Variants in PCM1 observed in about 807,000 individuals in gnomAD.
The protein encoded by PCM1 is pericentriolar material 1 protein.
A neutral mutation model predicts 241.9 loss-of-function variants in PCM1; 157 were observed. That is an observed-to-expected ratio of 0.65 (90% CI 0.57 to 0.74). The LOEUF is 0.74. Ranked by LOEUF, PCM1 falls within the 30% of genes least tolerant of loss-of-function variation. The probability of loss-of-function intolerance (pLI) is 0.00; values close to 1 mark genes in which losing one functional copy is unlikely to be tolerated. For synonymous variants in PCM1, 1,085 were observed against 784.9 expected (o/e 1.38, Z -6.39); for missense variants, 3,478 against 2,360.1 (o/e 1.47, Z -9.81).
intron 26 of PCM1, 115 bp from the exon 27 acceptor site, chr8:17,989,744 T>C (rs1587951188): frequency 1.8e-6 from 1 of 564,896 alleles, no homozygotes; most frequent in Non-Finnish European, 2.7e-6. Context: ...TGAGGAAACT[T>C]ATGAATATCT....
chr8:18,019,763 C>G (rs1237442117), intron 36 of PCM1, among the ~76,000 whole-genome samples: 1 of 152,298 alleles, frequency 6.6e-6, no homozygotes, highest in South Asian at 2.1e-4. Context: ...CTGGCTCCCC[C>G]CACCACTCAC....
At chr8:17,996,138 GT>G (rs1232205630) in intron 29 of PCM1, among the ~76,000 whole-genome samples, 1 of 152,036 alleles carries the variant, frequency 6.6e-6, no homozygotes, top group Non-Finnish European at 1.5e-5. Flanking sequence ...GGCTTTCAGT[GT>G]TTCCCCATTT....
intron 6 of PCM1, among the ~76,000 whole-genome samples, chr8:17,943,500 A>C (rs1182694903): frequency 6.6e-6 from 1 of 152,208 alleles, no homozygotes; most frequent in Non-Finnish European, 1.5e-5. Context: ...AAGAGTTAAC[A>C]GTTAATGCAG....
chr8:18,025,757 G>A, intron 38 of PCM1, 99 bp downstream of exon 38: 1 of 669,572 alleles, frequency 1.5e-6, no homozygotes, highest in Non-Finnish European at 2.5e-6. Flanking sequence ...ACTGACCTGG[G>A]AGATTTAAGC....
Position 17,966,409 on chromosome 8 carries a change from T to G in PCM1, c.3157T>G (p.Phe1053Val). The G allele has an allele frequency of 6.2e-7, 1 of 1,613,606 alleles. No individual in the cohort carries two copies. The highest frequency in any genetic ancestry group is 8.5e-7 in the Non-Finnish European group (1 of 1,179,578). ...CAATGTTGCATCTCCTCAAGTACACTTCATAATGCACCAGTTGAACCAGTG... is the reference window on the plus strand; with the variant it reads ...CAATGTTGCATCTCCTCAAGTACACGTCATAATGCACCAGTTGAACCAGTG... ...PSNVASPQVH[F>V]IMHQLNQCYT... The change falls in exon 20 of 39, where the codon TTC becomes GTC. Residue 1053 changes from phenylalanine (F) to valine (V), a missense_variant. Phe to Val is a conservative substitution (Grantham distance 50). Transcript: ENST00000325083.
At position 17,960,079 on chromosome 8, in the gene PCM1, A is replaced by T. The variant is rs753243769; in HGVS notation, c.2106A>T (p.Ala702=). The T allele has an allele frequency of 6.2e-6, 10 of 1,611,112 alleles. No homozygotes were observed. In the South Asian group the frequency reaches 7.7e-5, roughly 12 times the overall value. Residue 702 remains alanine, a synonymous_variant, in exon 14 of 39, where the codon GCA becomes GCT. Transcript: ENST00000325083. ...CAAATTTGGATGATTTCTACCCAGC[A>T]GAAGAAGACACCAAGCAAAATTCAA... ...SASNLDDFYP[A]EEDTKQNSNN... is the part of the protein sequence containing the mutation.
intron 31 of PCM1, 127 bp downstream of exon 31, chr8:18,009,871 C>T: frequency 1.9e-6 from 1 of 526,672 alleles, no homozygotes; most frequent in Admixed American, 3.9e-5. Flanking sequence ...CAGTTAATCA[C>T]ATTATAAGTC....
At chr8:18,026,112 T>C (rs529311328) in intron 38 of PCM1, among the ~76,000 whole-genome samples, 1,353 of 109,364 alleles carry the variant, frequency 0.012, 12 homozygotes, top group Admixed American at 0.028. Context: ...TGCGGTGAGC[T>C]GAGATAGCGC....
At chr8:17,957,214 C>G (rs2068960417) in intron 11 of PCM1, 50 bp from the exon 12 acceptor site, 2 of 1,457,978 alleles carry the variant, frequency 1.4e-6, no homozygotes, top group Non-Finnish European at 9.2e-7. Flanking sequence ...GGATTTCTTT[C>G]TCTCTTTTTT....
At chr8:17,932,142 T>C (rs2059215428) in intron 2 of PCM1, among the ~76,000 whole-genome samples, 2 of 152,192 alleles carry the variant, frequency 1.3e-5, no homozygotes, top group South Asian at 4.1e-4. Context: ...TACTTAGTAT[T>C]CTACCCAGCA....
chr8:17,972,480 A>G lies in PCM1; in HGVS notation c.3736A>G (p.Thr1246Ala), dbSNP rs2129472197. ...TAGTAACCGCAAAAATCAATTAGAT[A>G]CAAACGGAAGAAGACGCCAGTTTGA... is the stretch of plus-strand genomic sequence containing the variant. ...TSSNRKNQLD[T>A]NGRRRQFDEE... Residue 1246 changes from threonine (T) to alanine (A), a missense_variant, in exon 23 of 39, where the codon ACA (threonine) becomes GCA (alanine). By Grantham distance (58) the Thr-to-Ala change is moderately conservative. Coordinates refer to ENST00000325083, the MANE Select transcript of PCM1 (RefSeq NM_006197.4). 1 of 1,613,952 alleles carries G rather than the reference A, an allele frequency of 6.2e-7. No individual in the cohort carries two copies. The highest frequency in any genetic ancestry group is 8.5e-7 in the Non-Finnish European group (1 of 1,179,818).
In PCM1 at chr8:17,950,678, T is replaced by A. The variant is rs1192827209; in HGVS notation, c.1025T>A (p.Leu342Ter). ...ATCACATCTGAACTAAATGAAGAAT[T>A]GAATGACTTAATTCAGCGTTTTCAT... ...VSITSELNEE[L>*]NDLIQRFHNQ... The change falls in exon 8 of 39, where the codon TTG becomes TAG. Residue 342 changes from leucine (L) to a stop codon, truncating the protein, a stop_gained. Coordinates refer to ENST00000325083, the MANE Select transcript of PCM1 (RefSeq NM_006197.4). LOFTEE classifies it high-confidence loss of function. The A allele has an allele frequency of 6.2e-7, 1 of 1,605,088 alleles. No homozygotes were observed. The highest frequency in any genetic ancestry group is 8.5e-7 in the Non-Finnish European group (1 of 1,174,750).
At chr8:17,928,502 C>G (rs560921195) in intron 2 of PCM1, among the ~76,000 whole-genome samples, 1 of 152,038 alleles carries the variant, frequency 6.6e-6, no homozygotes, top group African/African-American at 2.4e-5. Flanking sequence ...GTTCTTCTTC[C>G]TCTCTAAAGC....
chr8:17,970,504 A>G (rs1284481362), intron 22 of PCM1, among the ~76,000 whole-genome samples: 2 of 151,166 alleles, frequency 1.3e-5, no homozygotes, highest in East Asian at 1.9e-4. Context: ...TAGGAGTGCT[A>G]TGATTAACAT....
intron 23 of PCM1, among the ~76,000 whole-genome samples, chr8:17,974,481 C>T (rs2077957269): frequency 6.6e-6 from 1 of 152,116 alleles, no homozygotes; most frequent in Non-Finnish European, 1.5e-5. Context: ...GTTTTAAGTG[C>T]AGATTCTGAT....
Position 18,011,703 on chromosome 8 carries a change from A to AT in PCM1, c.5388dup (p.Gly1797TrpfsTer6). On this transcript the variant is annotated frameshift_variant, in exon 34 of 39. Transcript: ENST00000325083. LOFTEE classifies it high-confidence loss of function. ...GCTGAAACTCAGGCTTTAACTAATT[A>AT]TGGAAGTGGAGAAGATGAAAATGAG... The AT allele has an allele frequency of 6.2e-7, 1 of 1,612,728 alleles. No homozygotes were observed. The highest frequency in any genetic ancestry group is 8.5e-7 in the Non-Finnish European group (1 of 1,179,230).
chr8:18,012,459 A>G (rs925167266), intron 34 of PCM1, among the ~76,000 whole-genome samples: 1 of 152,204 alleles, frequency 6.6e-6, no homozygotes, highest in Non-Finnish European at 1.5e-5. Flanking sequence ...AAACTTTATC[A>G]TAGATAAGTG....
chr8:17,986,647 T>G (rs1252312676), intron 26 of PCM1, among the ~76,000 whole-genome samples: 1 of 151,784 alleles, frequency 6.6e-6, no homozygotes, highest in Non-Finnish European at 1.5e-5. Flanking sequence ...CAAATAGCAC[T>G]TAGCACATCG....
intron 23 of PCM1, among the ~76,000 whole-genome samples, chr8:17,975,289 G>A (rs576790828): frequency 5.9e-5 from 9 of 152,010 alleles, no homozygotes; most frequent in South Asian, 4.2e-4. Context: ...TCATCCTCCC[G>A]AGTAGCTGGG....
Sources: gnomAD v4.1 joint callset for allele counts (sites outside exome capture counted in the v4.1 genomes callset) on GRCh38, gnomAD v4.1.1 for gene constraint, MANE v1.5 for transcripts, NCBI Gene and HGNC (gene_info 2026-07-23, HGNC 2026-07-21) for gene names.